Variants in ASF1A observed in about 807,000 individuals in gnomAD.
ASF1A encodes the protein histone chaperone ASF1A.
In ASF1A, 5 loss-of-function variants were observed where a neutral mutation model predicts 22.0. That is an observed-to-expected ratio of 0.23 (90% CI 0.12 to 0.48). The LOEUF is 0.48. Among genes scored for constraint, ASF1A ranks in the 20% least tolerant of loss-of-function variants. The pLI, the probability that ASF1A is intolerant of heterozygous loss-of-function variation, is 0.99. For synonymous variants in ASF1A, 97 were observed against 86.7 expected (o/e 1.12, Z -0.66); for missense variants, 137 against 240.6 (o/e 0.57, Z 2.85).
At chr6:118,905,862 T>C in intron 3 of ASF1A, 34 bp downstream of exon 3, 1 of 1,476,452 alleles carries the variant, frequency 6.8e-7, no homozygotes, top group Non-Finnish European at 9.1e-7. Flanking sequence ...TAACTACTTT[T>C]ACTATGCAAT....
Position 118,894,363 on chromosome 6 carries a change from T to C in ASF1A, c.-51T>C, listed in dbSNP as rs1187506554. 7.2e-6 allele frequency: 11 copies of C among 1,534,790 alleles called. No individual in the cohort carries two copies. The highest frequency in any genetic ancestry group is 3.6e-5 in the South Asian group (3 of 83,854). ...TCCCGAGCGGCCGCGCGCTGGACTTTATTGTGCCGCAACCAGCCCCAGTTC... is the reference window on the plus strand; with the variant it reads ...TCCCGAGCGGCCGCGCGCTGGACTTCATTGTGCCGCAACCAGCCCCAGTTC... On this transcript the variant is annotated 5_prime_UTR_variant, in exon 1 of 4. Transcript: ENST00000229595.
At chr6:118,903,251 T>G (rs11153778) in intron 2 of ASF1A, among the ~76,000 whole-genome samples, 20,480 of 152,180 alleles carry the variant, frequency 0.13, 1,551 homozygotes, top group Non-Finnish European at 0.17. Context: ...AGAATCCGTT[T>G]GGGTACACTG....
intron 1 of ASF1A, among the ~76,000 whole-genome samples, chr6:118,895,670 C>T (rs901490164): frequency 2.6e-5 from 4 of 152,078 alleles, no homozygotes; most frequent in East Asian, 1.9e-4. Context: ...AAAGCTAAAA[C>T]GACAATTATC....
At chr6:118,901,502 A>G (rs1451284598) in intron 2 of ASF1A, among the ~76,000 whole-genome samples, 1 of 152,194 alleles carries the variant, frequency 6.6e-6, no homozygotes, top group African/African-American at 2.4e-5. Context: ...CCCACTAGGT[A>G]TTTGTGAAGA....
chr6:118,897,967 G>A (rs1434986009), intron 1 of ASF1A, among the ~76,000 whole-genome samples: 2 of 152,170 alleles, frequency 1.3e-5, no homozygotes, highest in Non-Finnish European at 2.9e-5. Context: ...TTCTTGTTAA[G>A]GCTAGATTCT....
rs1185697833 is a variant in ASF1A at position 118,908,848 on chromosome 6, T to G, written c.*1234T>G. ...ATGCAGGTTATGCAGTGCCTTCATATCTAAAACTTTTATACTGCACTTTTT... is the reference window on the plus strand; with the variant it reads ...ATGCAGGTTATGCAGTGCCTTCATAGCTAAAACTTTTATACTGCACTTTTT... On this transcript the variant is annotated 3_prime_UTR_variant, in exon 4 of 4. Coordinates refer to ENST00000229595, the MANE Select transcript of ASF1A (RefSeq NM_014034.3). 1.3e-5 allele frequency: 2 copies of G among 152,606 alleles called. No individual in the cohort carries two copies. Among genetic ancestry groups the G allele is most frequent in the African/African-American group, 4.8e-5 (2 of 41,458 alleles). 9.5% of individuals were successfully genotyped at this position (152,606 alleles called of 1,614,324 possible).
intron 2 of ASF1A, among the ~76,000 whole-genome samples, chr6:118,902,910 GA>G (rs1421460426): frequency 3.3e-5 from 5 of 152,172 alleles, no homozygotes; most frequent in Admixed American, 6.5e-5. Flanking sequence ...TCTTTCTTCT[GA>G]GTGAGTCAAA....
intron 1 of ASF1A, among the ~76,000 whole-genome samples, chr6:118,897,171 A>G (rs1476796815): frequency 6.6e-6 from 1 of 152,172 alleles, no homozygotes; most frequent in South Asian, 2.1e-4. Context: ...AATTTTCTTA[A>G]TAAGTTATTT....
intron 1 of ASF1A, among the ~76,000 whole-genome samples, chr6:118,899,478 AT>A (rs1779660838): frequency 1.3e-5 from 2 of 152,006 alleles, no homozygotes; most frequent in Non-Finnish European, 2.9e-5. Context: ...CGAGATACTT[AT>A]ATTGCCTACT....
chr6:118,897,509 A>G (rs770772714), intron 1 of ASF1A, among the ~76,000 whole-genome samples: 73 of 152,198 alleles, frequency 4.8e-4, no homozygotes, highest in African/African-American at 1.6e-3. Context: ...AGAATTGAGC[A>G]TGGTGCTTCA....
In ASF1A at chr6:118,907,437, C is replaced by A. The variant is rs1780253670; in HGVS notation, c.438C>A (p.Val146=). ...ATATTTTGGCATCTAATCCCAGGGT[C>A]ACAAGATTCCACATTAATTGGGAAG... ...QRNILASNPR[V]TRFHINWEDN... Residue 146 remains valine (V), a synonymous_variant, in exon 4 of 4, where the codon GTC becomes GTA. Coordinates refer to ENST00000229595, the MANE Select transcript of ASF1A (RefSeq NM_014034.3). 1 of 1,609,604 alleles carries A rather than the reference C, an allele frequency of 6.2e-7. No individual in the cohort carries two copies. Among genetic ancestry groups the A allele is most frequent in the Non-Finnish European group, 8.5e-7 (1 of 1,177,646 alleles).
intron 2 of ASF1A, among the ~76,000 whole-genome samples, chr6:118,903,304 A>G (rs560787878): frequency 2.8e-4 from 43 of 152,084 alleles, no homozygotes; most frequent in Non-Finnish European, 5.9e-4. Context: ...TAGAATCTCT[A>G]AGACAAACAG....
At position 118,907,858 on chromosome 6, in the gene ASF1A, A is replaced by G. The variant is rs1208292533; in HGVS notation, c.*244A>G. ...TGAAACTAATCTGATTAAAGCATAT[A>G]TATTATTTTCTTCTCCTTTATATGT... On this transcript the variant is annotated 3_prime_UTR_variant, in exon 4 of 4. Coordinates refer to ENST00000229595, the MANE Select transcript of ASF1A (RefSeq NM_014034.3). The G allele has an allele frequency of 1.6e-5, 6 of 368,784 alleles. No homozygotes were observed. The East Asian group carries it at 2.8e-4, about 17-fold the overall frequency. 22.8% of individuals were successfully genotyped at this position (368,784 alleles called of 1,614,324 possible).
At chr6:118,907,371 T>G in intron 3 of ASF1A, 31 bp from the exon 4 acceptor site, 3 of 1,476,114 alleles carry the variant, frequency 2.0e-6, no homozygotes, top group Non-Finnish European at 2.8e-6. Flanking sequence ...TTCTTAGTGT[T>G]TACCATTTGT....
intron 2 of ASF1A, among the ~76,000 whole-genome samples, chr6:118,903,872 C>G (rs574245318): frequency 6.6e-6 from 1 of 152,214 alleles, no homozygotes; most frequent in African/African-American, 2.4e-5. Context: ...CAGGCGTGAG[C>G]CACCGTGCTC....
At position 118,905,685 on chromosome 6, in the gene ASF1A, G is replaced by C. The variant is rs1264735418; in HGVS notation, c.259G>C (p.Ala87Pro). 1 of 1,613,110 alleles carries C rather than the reference G, an allele frequency of 6.2e-7. No individual in the cohort carries two copies. Among genetic ancestry groups the C allele is most frequent in the Admixed American group, 1.7e-5 (1 of 59,938 alleles). ...DAPNPGLIPD[A>P]DAVGVTVVLI... ...ACCTAATCCAGGACTCATTCCAGATGCAGATGCAGTAGGCGTAACTGTTGT... is the reference window on the plus strand; with the variant it reads ...ACCTAATCCAGGACTCATTCCAGATCCAGATGCAGTAGGCGTAACTGTTGT... Residue 87 changes from alanine to proline, a missense_variant, in exon 3 of 4, where the codon GCA becomes CCA. By Grantham distance (27) the Ala-to-Pro change is conservative. Coordinates refer to ENST00000229595, the MANE Select transcript of ASF1A (RefSeq NM_014034.3).
At position 118,902,528 on chromosome 6, in the gene ASF1A, CT is replaced by C. The variant is rs33980013; in HGVS notation, c.225+1665del. Among the ~76,000 whole-genome samples, 1,062 of 131,464 alleles carry C rather than the reference CT, an allele frequency of 8.1e-3. 14 individuals carry two copies. The highest frequency in any genetic ancestry group is 0.027 in the African/African-American group (944 of 35,196). The allele number at this position is 131,464 out of a possible 152,430, so 86.2% of individuals were successfully genotyped here. A position where few individuals can be genotyped will look rare whatever the true frequency, so the allele number is the denominator to read the frequency against. ...CCTGGGTTGACAGGTACTGATAATA[CT>C]TTTTTTTTTTTTTTTTTGGCTACTA... is the stretch of plus-strand genomic sequence containing the variant. On this transcript the variant is annotated intron_variant, in intron 2 of 3. Transcript: ENST00000229595.
At chr6:118,897,660 T>C (rs975554750) in intron 1 of ASF1A, among the ~76,000 whole-genome samples, 3 of 152,210 alleles carry the variant, frequency 2.0e-5, no homozygotes, top group African/African-American at 7.2e-5. Flanking sequence ...CAAATGTAAA[T>C]ACTTTCAGGC....
At chr6:118,900,496 C>T (rs1779736199) in intron 1 of ASF1A, among the ~76,000 whole-genome samples, 2 of 152,194 alleles carry the variant, frequency 1.3e-5, no homozygotes, top group African/African-American at 4.8e-5. Flanking sequence ...ACAAGGTTTA[C>T]AGCATTTCCC....
Sources: gnomAD v4.1 joint callset for allele counts (sites outside exome capture counted in the v4.1 genomes callset) on GRCh38, gnomAD v4.1.1 for gene constraint, MANE v1.5 for transcripts, NCBI Gene and HGNC (gene_info 2026-07-23, HGNC 2026-07-21) for gene names.